ANKRD29: variants seen among roughly 807,000 people sequenced by gnomAD.
ANKRD29 encodes ankyrin repeat domain 29, also known as ankyrin repeat domain-containing protein 29.
In ANKRD29, 32 loss-of-function variants were observed where a neutral mutation model predicts 38.0. The ratio of observed to expected loss-of-function variants is 0.84; its 90% CI spans 0.64 to 1.13. The LOEUF is 1.13. Ranked by LOEUF, ANKRD29 falls within the 50% of genes most tolerant of loss-of-function variation. The probability of loss-of-function intolerance (pLI) is 0.00; values close to 1 mark genes in which losing one functional copy is unlikely to be tolerated. For synonymous variants in ANKRD29, 135 were observed against 152.4 expected (o/e 0.89, Z 0.84); for missense variants, 357 against 377.9 (o/e 0.94, Z 0.46).
At chr18:23,633,945 C>T (rs960776536) in intron 5 of ANKRD29, 106 bp downstream of exon 5, 21 of 1,106,116 alleles carry the variant, frequency 1.9e-5, no homozygotes, top group Middle Eastern at 3.9e-4. Context: ...CCAAGTCCTA[C>T]TGTCCATTAA....
At chr18:23,639,558 G>A (rs1361138415) in intron 3 of ANKRD29, among the ~76,000 whole-genome samples, 1 of 141,000 alleles carries the variant, frequency 7.1e-6, no homozygotes, top group Non-Finnish European at 1.5e-5. Flanking sequence ...TTGAGACAGA[G>A]TCTTGCTCTG....
chr18:23,634,278 G>GTTTT lies in ANKRD29; in HGVS notation c.331-133_331-130dup, dbSNP rs71163626. 2,080 of 372,620 alleles carry GTTTT rather than the reference G, an allele frequency of 5.6e-3. 55 individuals are homozygous for GTTTT. The highest frequency in any genetic ancestry group is 7.0e-3 in the Non-Finnish European group (1,576 of 223,818). The allele number at this position is 372,620 out of a possible 1,614,324, so 23.1% of individuals were successfully genotyped here. On this transcript the variant is annotated intron_variant, in intron 4 of 9. Coordinates refer to ENST00000592179, the MANE Select transcript of ANKRD29 (RefSeq NM_173505.4). ...AGATAATAACAAACTCACTTTCCCTGTTTTTTTTTTTTTTTTTTTTTTTTT... is the reference window on the plus strand; with the variant it reads ...AGATAATAACAAACTCACTTTCCCTGTTTTTTTTTTTTTTTTTTTTTTTTTTTTT...
chr18:23,643,430 G>A (rs2145717223), intron 3 of ANKRD29, among the ~76,000 whole-genome samples: 1 of 152,308 alleles, frequency 6.6e-6, no homozygotes. Flanking sequence ...TTAAATTTTA[G>A]AGACTACCAA....
At chr18:23,624,267 G>A (rs764575344) in intron 6 of ANKRD29, among the ~76,000 whole-genome samples, 6 of 151,628 alleles carry the variant, frequency 4.0e-5, no homozygotes, top group Non-Finnish European at 8.8e-5. Context: ...TGGAGTTTGA[G>A]ACTAGCCTGG....
chr18:23,612,136 C>T lies in ANKRD29; in HGVS notation c.778G>A (p.Ala260Thr). The T allele has an allele frequency of 6.2e-7, 1 of 1,613,968 alleles. No homozygotes were observed. The highest frequency in any genetic ancestry group is 8.5e-7 in the Non-Finnish European group (1 of 1,179,976). The change falls in exon 9 of 10, where the codon GCG (alanine) becomes ACG (threonine). Residue 260 changes from alanine to threonine, a missense_variant. Physicochemically the swap from Ala to Thr is moderately conservative, Grantham distance 58. Coordinates refer to ENST00000592179, the MANE Select transcript of ANKRD29 (RefSeq NM_173505.4). ...AVLSGNIKTV[A>T]LLLEAGADPS... Reference sequence around the variant, plus strand: ...TCTGCCCCTGCTTCTAGGAGCAGCGCAACTGTTTTAATGTTTCCACTGAGC... The same window carrying T: ...TCTGCCCCTGCTTCTAGGAGCAGCGTAACTGTTTTAATGTTTCCACTGAGC...
intron 2 of ANKRD29, among the ~76,000 whole-genome samples, chr18:23,648,257 C>T (rs751627223): frequency 4.6e-5 from 7 of 152,030 alleles, no homozygotes; most frequent in Non-Finnish European, 8.8e-5. Flanking sequence ...GGAGGTGTAA[C>T]CAAAGATATC....
At chr18:23,655,772 A>G (rs1401844317) in intron 1 of ANKRD29, among the ~76,000 whole-genome samples, 1 of 149,986 alleles carries the variant, frequency 6.7e-6, no homozygotes, top group Non-Finnish European at 1.5e-5. Context: ...ACTTTAAAAA[A>G]TAATTCTCTG....
chr18:23,634,393 G>A (rs994485599), intron 4 of ANKRD29, among the ~76,000 whole-genome samples: 4 of 148,132 alleles, frequency 2.7e-5, no homozygotes, highest in African/African-American at 5.0e-5. Flanking sequence ...GGGTTCAAGC[G>A]ATTCTCTTGC....
intron 3 of ANKRD29, among the ~76,000 whole-genome samples, chr18:23,641,398 G>A (rs996523468): frequency 1.3e-5 from 2 of 152,274 alleles, no homozygotes; most frequent in Non-Finnish European, 2.9e-5. Context: ...CCCGGCACCT[G>A]CTCCAGTGCG....
chr18:23,659,391 C>T (rs57355754), intron 1 of ANKRD29, among the ~76,000 whole-genome samples: 26,417 of 152,156 alleles, frequency 0.17, 5,217 homozygotes, highest in African/African-American at 0.46. Context: ...GAACACGTTT[C>T]CATTTCTCTT....
intron 8 of ANKRD29, among the ~76,000 whole-genome samples, chr18:23,614,894 A>G (rs1038565256): frequency 6.6e-6 from 1 of 152,188 alleles, no homozygotes; most frequent in African/African-American, 2.4e-5. Context: ...ACAGTCCTAA[A>G]GCTAAGCCGC....
Position 23,662,788 on chromosome 18 carries a change from C to T in ANKRD29, c.-58G>A, listed in dbSNP as rs1197194019. 7.1e-7 allele frequency: 1 copy of T among 1,406,106 alleles called. No homozygotes were observed. Among genetic ancestry groups the T allele is most frequent in the African/African-American group, 1.5e-5 (1 of 66,788 alleles). The allele number at this position is 1,406,106 out of a possible 1,614,324, so 87.1% of individuals were successfully genotyped here. ...TTTGGGCCCGGGGCGCCTTGTCCTCCCCGGCCCTTCACTCTCCCGGGGCTC... is the reference window on the plus strand; with the variant it reads ...TTTGGGCCCGGGGCGCCTTGTCCTCTCCGGCCCTTCACTCTCCCGGGGCTC... On this transcript the variant is annotated 5_prime_UTR_variant, in exon 1 of 10. Coordinates refer to ENST00000592179, the MANE Select transcript of ANKRD29 (RefSeq NM_173505.4).
intron 6 of ANKRD29, among the ~76,000 whole-genome samples, chr18:23,628,242 G>A (rs907888685): frequency 2.0e-5 from 3 of 152,076 alleles, no homozygotes; most frequent in Non-Finnish European, 4.4e-5. Context: ...TGAGAACTTG[G>A]GATTCCTGAC....
At chr18:23,610,312 C>T (rs2059625208) in intron 9 of ANKRD29, among the ~76,000 whole-genome samples, 1 of 152,114 alleles carries the variant, frequency 6.6e-6, no homozygotes, top group Non-Finnish European at 1.5e-5. Context: ...CCTGTCTCTA[C>T]TAAAAATACA....
chr18:23,633,286 C>A (rs2059957154), intron 5 of ANKRD29, among the ~76,000 whole-genome samples: 1 of 152,184 alleles, frequency 6.6e-6, no homozygotes, highest in Admixed American at 6.5e-5. Flanking sequence ...CAGAGGTCTT[C>A]ATCCATCCAA....
chr18:23,662,853 T>G lies in ANKRD29; in HGVS notation c.-123A>C. 3 of 902,504 alleles carry G rather than the reference T, an allele frequency of 3.3e-6. No homozygotes were observed. Among genetic ancestry groups the G allele is most frequent in the Non-Finnish European group, 4.1e-6 (3 of 731,478 alleles). 55.9% of individuals were successfully genotyped at this position (902,504 alleles called of 1,614,324 possible). A position where few individuals can be genotyped will look rare whatever the true frequency, so the allele number is the denominator to read the frequency against. ...AGGGGCGGCCTCCGACGCCGCGCGCTCCCGCCGCCCGGCCCGGCAGCAGCC... is the reference window on the plus strand; with the variant it reads ...AGGGGCGGCCTCCGACGCCGCGCGCGCCCGCCGCCCGGCCCGGCAGCAGCC... On this transcript the variant is annotated 5_prime_UTR_variant, in exon 1 of 10. Coordinates refer to ENST00000592179, the MANE Select transcript of ANKRD29 (RefSeq NM_173505.4).
At chr18:23,630,351 T>C (rs931592094) in intron 5 of ANKRD29, among the ~76,000 whole-genome samples, 4 of 152,104 alleles carry the variant, frequency 2.6e-5, no homozygotes, top group Non-Finnish European at 5.9e-5. Flanking sequence ...CGCTTGCACC[T>C]GGAGGCAGAG....
At chr18:23,640,458 C>T (rs532554371) in intron 3 of ANKRD29, among the ~76,000 whole-genome samples, 1 of 152,146 alleles carries the variant, frequency 6.6e-6, no homozygotes, top group Admixed American at 6.5e-5. Context: ...CAAATTTTAG[C>T]GCCCCAGAGT....
At chr18:23,603,139 C>T (rs1191678204) in intron 9 of ANKRD29, among the ~76,000 whole-genome samples, 2 of 152,190 alleles carry the variant, frequency 1.3e-5, no homozygotes, top group Non-Finnish European at 2.9e-5. Flanking sequence ...CACATCAATA[C>T]TCAACAAATG....
Sources: allele counts gnomAD v4.1 joint callset (sites outside exome capture counted in the v4.1 genomes callset), GRCh38; gene constraint gnomAD v4.1.1; transcripts MANE v1.5; gene names NCBI Gene and HGNC (gene_info 2026-07-23, HGNC 2026-07-21).